The following WASF2 variants were observed in gnomAD, a reference collection of about 807,000 sequenced individuals.
WASF2 encodes the protein actin-binding protein WASF2.
A neutral mutation model predicts 45.0 loss-of-function variants in WASF2; 14 were observed. That is an observed-to-expected ratio of 0.31 (90% CI 0.21 to 0.49). The LOEUF is 0.49. WASF2 is among the 20% of genes least tolerant of loss of function. WASF2 has a pLI of 0.99. For synonymous variants in WASF2, 200 were observed against 236.3 expected (o/e 0.85, Z 1.41); for missense variants, 439 against 636.1 (o/e 0.69, Z 3.33).
rs183403784 is a variant in WASF2, at chr1:27,458,816, T to A, written c.-43-29883A>T. On this transcript the variant is annotated intron_variant, in intron 1 of 8. Coordinates refer to ENST00000618852, the MANE Select transcript of WASF2 (RefSeq NM_006990.5). ...TCAAAAAAAATAAAAAATTAAAAAATTTTTTTTAAAAAATTGTAAAAATTG... is the reference window on the plus strand; with the variant it reads ...TCAAAAAAAATAAAAAATTAAAAAAATTTTTTTAAAAAATTGTAAAAATTG... Among the ~76,000 whole-genome samples, 627 of 151,128 alleles carry A rather than the reference T, an allele frequency of 4.1e-3. 2 individuals carry two copies. Among genetic ancestry groups the A allele is most frequent in the Non-Finnish European group, 6.9e-3 (469 of 67,812 alleles).
intron 1 of WASF2, among the ~76,000 whole-genome samples, chr1:27,486,128 A>T (rs1427517492): frequency 6.7e-6 from 1 of 150,198 alleles, no homozygotes; most frequent in Non-Finnish European, 1.5e-5. Context: ...ACAAGAAATG[A>T]CATAAGGCTA....
rs1452548577 is a variant in WASF2, at chr1:27,407,205, C to T, written c.*984G>A. 6.5e-6 allele frequency: 1 copy of T among 152,698 alleles called. No individual in the cohort carries two copies. The highest frequency in any genetic ancestry group is 2.4e-5 in the African/African-American group (1 of 41,434). The allele number at this position is 152,698 out of a possible 1,614,324, so 9.5% of individuals were successfully genotyped here. A position where few individuals can be genotyped will look rare whatever the true frequency, so the allele number is the denominator to read the frequency against. ...CCAGCAGGTGCCCATTCTTTGGTCC[C>T]AGAAAGCACAGGTGACTTGGAATCA... On this transcript the variant is annotated 3_prime_UTR_variant, in exon 9 of 9. Coordinates refer to ENST00000618852, the MANE Select transcript of WASF2 (RefSeq NM_006990.5).
At chr1:27,424,181 C>T (rs1293951557) in intron 2 of WASF2, among the ~76,000 whole-genome samples, 1 of 152,114 alleles carries the variant, frequency 6.6e-6, no homozygotes, top group African/African-American at 2.4e-5. Flanking sequence ...GAAGTTCCAC[C>T]CAGGTACAAT....
At chr1:27,409,207 A>G (rs1034378888) in intron 8 of WASF2, among the ~76,000 whole-genome samples, 6 of 151,848 alleles carry the variant, frequency 4.0e-5, no homozygotes, top group Admixed American at 6.6e-5. Context: ...GGCGGATCAC[A>G]AGGTCAGGAG....
chr1:27,434,018 T>G (rs192442436), intron 1 of WASF2, among the ~76,000 whole-genome samples: 1 of 152,310 alleles, frequency 6.6e-6, no homozygotes, highest in Non-Finnish European at 1.5e-5. Context: ...ATCTGCTAAT[T>G]TGGGGATTTG....
At chr1:27,473,576 A>G (rs925892798) in intron 1 of WASF2, among the ~76,000 whole-genome samples, 2 of 152,144 alleles carry the variant, frequency 1.3e-5, no homozygotes, top group African/African-American at 4.8e-5. Context: ...CACTTAACTC[A>G]TCAATAGATT....
rs542166448 is a variant in WASF2, at chr1:27,473,281, C to T, written c.-44+16705G>A. Among the ~76,000 whole-genome samples, 34 of 151,684 alleles carry T rather than the reference C, an allele frequency of 2.2e-4. 1 individual carries two copies. The highest frequency in any genetic ancestry group is 1.2e-3 in the East Asian group (6 of 5,168). ...GGATCACGAGGTCAGGAGATGAAGA[C>T]CATCCTGGCTAACATGGTGAAACCC... On this transcript the variant is annotated intron_variant, in intron 1 of 8. Transcript: ENST00000618852.
At chr1:27,438,661 G>A (rs957348981) in intron 1 of WASF2, among the ~76,000 whole-genome samples, 1 of 152,230 alleles carries the variant, frequency 6.6e-6, no homozygotes, top group Non-Finnish European at 1.5e-5. Flanking sequence ...GTGTGGTCAT[G>A]GAGCAGGTGG....
At chr1:27,419,364 G>A (rs1364965892) in intron 2 of WASF2, among the ~76,000 whole-genome samples, 1 of 152,168 alleles carries the variant, frequency 6.6e-6, no homozygotes, top group Admixed American at 6.5e-5. Context: ...AAAACTGAAA[G>A]GTGTAATGCA....
chr1:27,461,835 G>GT (rs2017549910), intron 1 of WASF2, among the ~76,000 whole-genome samples: 1 of 151,728 alleles, frequency 6.6e-6, no homozygotes, highest in African/African-American at 2.4e-5. Context: ...GTTATTTTTT[G>GT]TATTTTTGGT....
In WASF2 at chr1:27,414,599, C is replaced by T. The variant is rs2016804316; in HGVS notation, c.668+234G>A. ...GAGTAAGGGCACTAGGAGCCATGGG[C>T]TTTCTTTTCCAGACCACTCCAATCA... On this transcript the variant is annotated intron_variant, in intron 6 of 8. Coordinates refer to ENST00000618852, the MANE Select transcript of WASF2 (RefSeq NM_006990.5). The surrounding 1 kb of genome is among the most constrained non-coding windows in gnomAD (Gnocchi z 4.1). 6.6e-6 allele frequency among the ~76,000 whole-genome samples: 1 copy of T among 152,190 alleles called. No homozygotes were observed. The highest frequency in any genetic ancestry group is 2.1e-4 in the South Asian group (1 of 4,830).
intron 1 of WASF2, among the ~76,000 whole-genome samples, chr1:27,480,113 T>C (rs1250237875): frequency 6.6e-6 from 1 of 152,226 alleles, no homozygotes; most frequent in Non-Finnish European, 1.5e-5. Context: ...AATTCACTTA[T>C]AGTTCCCAAT....
intron 1 of WASF2, among the ~76,000 whole-genome samples, chr1:27,463,880 G>C (rs1051341012): frequency 6.7e-6 from 1 of 148,266 alleles, no homozygotes; most frequent in Non-Finnish European, 1.5e-5. Context: ...TTGGCTCACC[G>C]CAACCTCAGC....
Position 27,454,187 on chromosome 1 carries a change from A to ATTTTT in WASF2, c.-43-25259_-43-25255dup, listed in dbSNP as rs869057863. Among the ~76,000 whole-genome samples the ATTTTT allele has an allele frequency of 7.8e-4, 10 of 12,772 alleles. 1 individual carries two copies. In the East Asian group the frequency reaches 8.8e-3, roughly 11 times the overall value. 8.4% of individuals were successfully genotyped at this position (12,772 alleles called of 152,430 possible). A position where few individuals can be genotyped will look rare whatever the true frequency, so the allele number is the denominator to read the frequency against. On this transcript the variant is annotated intron_variant, in intron 1 of 8. Transcript: ENST00000618852. Reference sequence around the variant, plus strand: ...TATATATATATATATATATATATATATTTTTTTTTTTTTTTTTTTTTTAAA... The same window carrying ATTTTT: ...TATATATATATATATATATATATATATTTTTTTTTTTTTTTTTTTTTTTTTTTAAA...
intron 1 of WASF2, among the ~76,000 whole-genome samples, chr1:27,460,332 A>C (rs1210925579): frequency 1.3e-5 from 2 of 152,202 alleles, no homozygotes; most frequent in Non-Finnish European, 2.9e-5. Context: ...GGAGGGAAGT[A>C]AAAGAATTAG....
intron 1 of WASF2, 37 bp downstream of exon 1, chr1:27,489,949 T>G (rs1157274370): frequency 6.6e-6 from 1 of 151,442 alleles, no homozygotes; most frequent in African/African-American, 2.4e-5. Context: ...GGCCCGCGCC[T>G]CCCAGCGGGG....
At chr1:27,486,972 T>C (rs1420411797) in intron 1 of WASF2, among the ~76,000 whole-genome samples, 1 of 147,886 alleles carries the variant, frequency 6.8e-6, no homozygotes, top group Non-Finnish European at 1.5e-5. Flanking sequence ...TGATATATAT[T>C]ATATATAATC....
chr1:27,472,446 C>T (rs1385151501), intron 1 of WASF2, among the ~76,000 whole-genome samples: 1 of 151,296 alleles, frequency 6.6e-6, no homozygotes, highest in African/African-American at 2.4e-5. Context: ...CCAGCCTGGG[C>T]AACATGGTGA....
rs1016470003 is a variant in WASF2 at position 27,430,260 on chromosome 1, A to G, written c.-43-1327T>C. Among the ~76,000 whole-genome samples the G allele has an allele frequency of 1.0e-4, 16 of 152,386 alleles. 1 individual carries two copies. The highest frequency in any genetic ancestry group is 1.0e-3 in the Admixed American group (16 of 15,300). ...CATCTTATAAAACTAAAGAAATCTA[A>G]AACAGCCTAATGGTTTTCATGCTAG... is the stretch of plus-strand genomic sequence containing the variant. On this transcript the variant is annotated intron_variant, in intron 1 of 8. Coordinates refer to ENST00000618852, the MANE Select transcript of WASF2 (RefSeq NM_006990.5).
Sources: gnomAD v4.1 joint callset for allele counts (sites outside exome capture counted in the v4.1 genomes callset) on GRCh38, gnomAD v4.1.1 for gene constraint, Gnocchi (gnomAD v3.1) non-coding constraint, MANE v1.5 for transcripts, NCBI Gene and HGNC (gene_info 2026-07-23, HGNC 2026-07-21) for gene names.